FAM217A: variants seen among roughly 807,000 people sequenced by gnomAD.
FAM217A encodes family with sequence similarity 217 member A.
In FAM217A, 13 loss-of-function variants were observed where a neutral mutation model predicts 18.5. That is an observed-to-expected ratio of 0.70 (90% CI 0.46 to 1.12). The LOEUF (loss-of-function observed/expected upper bound fraction) is 1.12. FAM217A is among the 50% of genes most tolerant of loss of function. The probability of loss-of-function intolerance (pLI) is 0.00; values close to 1 mark genes in which losing one functional copy is unlikely to be tolerated. For synonymous variants in FAM217A, 161 were observed against 202.8 expected, an observed-to-expected ratio of 0.79 and a Z score of 1.75; for missense variants, 560 against 575.4, an observed-to-expected ratio of 0.97 and a Z score of 0.27.
chr6:4,080,146 T>A (rs1770184900), upstream of FAM217A, among the ~76,000 whole-genome samples: 1 of 152,146 alleles, frequency 6.6e-6, no homozygotes, highest in Non-Finnish European at 1.5e-5. Flanking sequence ...AAAATGCACT[T>A]ATATACCACA....
chr6:4,068,630 T>C lies in FAM217A; in HGVS notation c.*66A>G, dbSNP rs1769181258. On this transcript the variant is annotated 3_prime_UTR_variant, in exon 7 of 7. Transcript: ENST00000274673. Reference sequence around the variant, plus strand: ...AATAGTACCTGTGTCTTGGAATAATTAACCATATCTTAGTTGGGCTTCTTA... The same window carrying C: ...AATAGTACCTGTGTCTTGGAATAATCAACCATATCTTAGTTGGGCTTCTTA... 1 of 1,495,978 alleles carries C rather than the reference T, an allele frequency of 6.7e-7. No individual in the cohort carries two copies. The highest frequency in any genetic ancestry group is 2.3e-5 in the Admixed American group (1 of 44,206). The allele number at this position is 1,495,978 out of a possible 1,614,324, so 92.7% of individuals were successfully genotyped here.
rs1770536693 is a variant in FAM217A at position 4,084,791 on chromosome 6, TC to T, written c.37del (p.Glu13AsnfsTer42). 1.4e-6 allele frequency: 1 copy of T among 702,878 alleles called. No individual in the cohort carries two copies. The allele number at this position is 702,878 out of a possible 1,614,324, so 43.5% of individuals were successfully genotyped here. On this transcript the variant is annotated frameshift_variant, in exon 2 of 9. Coordinates refer to the FAM217A transcript ENST00000639338. LOFTEE classifies it high-confidence loss of function. ...ATGGCGAGGGGGAAGAAGAAGGTAT[TC>T]AGGAGACACAGCAACCCTCTTAGGA...
Position 4,068,472 on chromosome 6 carries a change from C to A in FAM217A, c.*224G>T. ...CCAAGTGAACCATTTACTTGAAACA[C>A]AACATGCAAAAGATTGTGAAATATG... On this transcript the variant is annotated 3_prime_UTR_variant, in exon 7 of 7. Transcript: ENST00000274673. 1 of 423,454 alleles carries A rather than the reference C, an allele frequency of 2.4e-6. No individual in the cohort carries two copies. Among genetic ancestry groups the A allele is most frequent in the Non-Finnish European group, 4.1e-6 (1 of 242,504 alleles). 26.2% of individuals were successfully genotyped at this position (423,454 alleles called of 1,614,324 possible). A position where few individuals can be genotyped will look rare whatever the true frequency, so the allele number is the denominator to read the frequency against.
upstream of FAM217A, among the ~76,000 whole-genome samples, chr6:4,080,911 C>CAA (rs11300347): frequency 2.6e-4 from 35 of 136,960 alleles, no homozygotes; most frequent in African/African-American, 3.6e-4. Context: ...AGAAAAAATA[C>CAA]AAAAAAAAAA....
exon 2 of FAM217A, chr6:4,084,804 C>T (rs1345948567): frequency 2.8e-6 from 2 of 702,886 alleles, no homozygotes; most frequent in Non-Finnish European, 5.2e-6. Flanking sequence ...GGAGACACAG[C>T]AACCCTCTTA....
At chr6:4,085,683 C>T (rs975851267) in intron 1 of FAM217A, among the ~76,000 whole-genome samples, 2 of 152,154 alleles carry the variant, frequency 1.3e-5, no homozygotes, top group African/African-American at 4.8e-5. Context: ...CCACCAAAAA[C>T]ACCTGTAAAA....
chr6:4,079,728 G>A (rs1770145803), upstream of FAM217A: 1 of 1,063,076 alleles, frequency 9.4e-7, no homozygotes, highest in Non-Finnish European at 1.2e-6. Context: ...ATTGATACAT[G>A]TGAAGTTATA....
chr6:4,079,701 A>C, upstream of FAM217A: 3 of 1,248,620 alleles, frequency 2.4e-6, no homozygotes, highest in Non-Finnish European at 3.1e-6. Flanking sequence ...CTCCAGACTA[A>C]GCTACAATAT....
At chr6:4,072,623 G>A (rs987274258) in intron 6 of FAM217A, among the ~76,000 whole-genome samples, 3 of 152,044 alleles carry the variant, frequency 2.0e-5, no homozygotes, top group Admixed American at 2.0e-4. Context: ...TTAGCTGGGC[G>A]TGGTGGCCCA....
upstream of FAM217A, among the ~76,000 whole-genome samples, chr6:4,080,304 C>G (rs984453552): frequency 6.6e-6 from 1 of 152,144 alleles, no homozygotes; most frequent in East Asian, 1.9e-4. Context: ...TTCATGACAC[C>G]CCGTTGTTAT....
intron 1 of FAM217A, among the ~76,000 whole-genome samples, chr6:4,086,473 C>T (rs988525483): frequency 7.0e-6 from 1 of 143,366 alleles, no homozygotes; most frequent in African/African-American, 2.7e-5. Flanking sequence ...AAAAAAAAAT[C>T]CATCTATCTA....
intron 6 of FAM217A, among the ~76,000 whole-genome samples, chr6:4,071,143 T>C (rs1037508935): frequency 2.0e-5 from 3 of 152,090 alleles, no homozygotes; most frequent in African/African-American, 7.2e-5. Flanking sequence ...GAGTGTGAAA[T>C]CTGGAAAGGG....
intron 4 of FAM217A, 43 bp downstream of exon 4, chr6:4,074,400 C>A (rs590675): frequency 0.2 from 298,627 of 1,486,862 alleles, 35,031 homozygotes; most frequent in African/African-American, 0.5. Context: ...ATTTTAAAAT[C>A]GTATGTTTTA....
upstream of FAM217A, among the ~76,000 whole-genome samples, chr6:4,080,841 A>G (rs1491003978): frequency 6.6e-6 from 1 of 151,856 alleles, no homozygotes; most frequent in Non-Finnish European, 1.5e-5. Flanking sequence ...CCTAAATTCT[A>G]GTCATTACAC....
At chr6:4,075,055 G>C (rs1259780263) in intron 2 of FAM217A, among the ~76,000 whole-genome samples, 2 of 152,206 alleles carry the variant, frequency 1.3e-5, no homozygotes, top group Non-Finnish European at 2.9e-5. Flanking sequence ...TAAAAAGCCA[G>C]GTGTGGTGGC....
upstream of FAM217A, among the ~76,000 whole-genome samples, chr6:4,081,242 C>A (rs946627480): frequency 2.0e-5 from 3 of 152,146 alleles, no homozygotes; most frequent in South Asian, 2.1e-4. Context: ...AATGTATATG[C>A]CTGATAATCC....
intron 2 of FAM217A, among the ~76,000 whole-genome samples, chr6:4,074,932 G>C (rs1769677439): frequency 6.7e-6 from 1 of 149,598 alleles, no homozygotes; most frequent in African/African-American, 2.4e-5. Context: ...AATAACACAG[G>C]TTTTCAAAAT....
At chr6:4,076,246 T>C (rs1214281001) in intron 2 of FAM217A, among the ~76,000 whole-genome samples, 1 of 151,348 alleles carries the variant, frequency 6.6e-6, no homozygotes, top group Non-Finnish European at 1.5e-5. Context: ...GGAGAATCAC[T>C]TGAATCCGAG....
upstream of FAM217A, chr6:4,079,141 C>A: frequency 2.9e-6 from 1 of 339,340 alleles, no homozygotes; most frequent in Non-Finnish European, 5.3e-6. Flanking sequence ...CCCCACCGGC[C>A]GGGTCTCCCG....
Sources: gnomAD v4.1 joint callset for allele counts (sites outside exome capture counted in the v4.1 genomes callset) on GRCh38, gnomAD v4.1.1 for gene constraint, MANE v1.5 for transcripts, NCBI Gene and HGNC (gene_info 2026-07-23, HGNC 2026-07-21) for gene names.